GIGYF2: variants seen among roughly 807,000 people sequenced by gnomAD.
The protein encoded by GIGYF2 is GRB10 interacting GYF protein 2, also known as GRB10-interacting GYF protein 2.
In GIGYF2, 25 loss-of-function variants were observed where a neutral mutation model predicts 208.1. The observed-to-expected ratio is 0.12, with a 90% CI of 0.09 to 0.17. The LOEUF (loss-of-function observed/expected upper bound fraction) is 0.17, where lower values mean the gene tolerates loss of function less well. Ranked by LOEUF, GIGYF2 falls within the 10% of genes least tolerant of loss-of-function variation. The probability of loss-of-function intolerance (pLI) is 1.00; values close to 1 mark genes in which losing one functional copy is unlikely to be tolerated. For missense variants in GIGYF2, 1,302 were observed against 1,579.4 expected, an observed-to-expected ratio of 0.82 and a Z score of 2.98; for synonymous variants, 534 against 543.8, an observed-to-expected ratio of 0.98 and a Z score of 0.25.
At chr2:232,704,417 G>GT (rs1695992719) in intron 2 of GIGYF2, among the ~76,000 whole-genome samples, 1 of 152,084 alleles carries the variant, frequency 6.6e-6, no homozygotes, top group African/African-American at 2.4e-5. Flanking sequence ...TTGTTTGTTT[G>GT]TTTTTTAGAC....
At chr2:232,785,817 G>T (rs1352423837) in intron 8 of GIGYF2, among the ~76,000 whole-genome samples, 7 of 152,310 alleles carry the variant, frequency 4.6e-5, no homozygotes. Context: ...AGAATGACCA[G>T]AAATTAGAAT....
At position 232,791,238 on chromosome 2, in the gene GIGYF2, A is replaced by G; in HGVS notation, c.1094-20A>G. ...AACCAAAACTTTCGTAAGTTCAACT[A>G]AGATTACTTCGTGTTCCAGAAGCTA... On this transcript the variant is annotated intron_variant, in intron 11 of 28. Coordinates refer to ENST00000373563, the MANE Select transcript of GIGYF2 (RefSeq NM_001103146.3). The G allele has an allele frequency of 1.2e-6, 2 of 1,613,984 alleles. No individual in the cohort carries two copies. The highest frequency in any genetic ancestry group is 1.7e-6 in the Non-Finnish European group (2 of 1,179,888).
rs10177 is a variant in GIGYF2 at position 232,858,453 on chromosome 2, G to C, written c.*1593G>C. On this transcript the variant is annotated 3_prime_UTR_variant, in exon 29 of 29. Coordinates refer to ENST00000373563, the MANE Select transcript of GIGYF2 (RefSeq NM_001103146.3). ...AGTTTTTGGATCAAATAGCATGAGG[G>C]GAGAGGAAACCATTAAAAGTTGGGG... 2.2e-6 allele frequency: 1 copy of C among 455,064 alleles called. No individual in the cohort carries two copies. Among genetic ancestry groups the C allele is most frequent in the Non-Finnish European group, 4.4e-6 (1 of 226,554 alleles). 28.2% of individuals were successfully genotyped at this position (455,064 alleles called of 1,614,324 possible).
intron 8 of GIGYF2, among the ~76,000 whole-genome samples, chr2:232,782,210 A>AT (rs199750142): frequency 7.9e-5 from 12 of 151,616 alleles, no homozygotes; most frequent in Admixed American, 2.6e-4. Context: ...TTTTTAAAAA[A>AT]TTTTTTTTTA....
Position 232,858,718 on chromosome 2 carries a change from A to G in GIGYF2, c.*1858A>G. 2 of 357,482 alleles carry G rather than the reference A, an allele frequency of 5.6e-6. No individual in the cohort carries two copies. The highest frequency in any genetic ancestry group is 5.4e-6 in the Non-Finnish European group (1 of 183,570). The allele number at this position is 357,482 out of a possible 1,614,324, so 22.1% of individuals were successfully genotyped here. A position where few individuals can be genotyped will look rare whatever the true frequency, so the allele number is the denominator to read the frequency against. Reference sequence around the variant, plus strand: ...TACCATGGAAAAGCTCCAAGCACCCAAGACATGGAGGCAGCCATGGCTTCT... The same window carrying G: ...TACCATGGAAAAGCTCCAAGCACCCGAGACATGGAGGCAGCCATGGCTTCT... On this transcript the variant is annotated 3_prime_UTR_variant, in exon 29 of 29. Transcript: ENST00000373563.
intron 18 of GIGYF2, among the ~76,000 whole-genome samples, chr2:232,814,404 T>G (rs2106388695): frequency 1.3e-5 from 2 of 150,356 alleles, no homozygotes; most frequent in East Asian, 4.0e-4. Flanking sequence ...CTACTAAAAA[T>G]AAAAAAAAAT....
At chr2:232,747,884 A>G (rs948073552) in intron 4 of GIGYF2, 140 bp downstream of exon 4, 1 of 779,664 alleles carries the variant, frequency 1.3e-6, no homozygotes, top group African/African-American at 1.7e-5. Context: ...CCTGCTTTGA[A>G]GCCTGCAATA....
intron 18 of GIGYF2, among the ~76,000 whole-genome samples, chr2:232,812,939 T>C (rs1443831309): frequency 2.0e-5 from 3 of 151,808 alleles, no homozygotes; most frequent in South Asian, 4.2e-4. Flanking sequence ...AGTTCCAGGC[T>C]GCAGTGAGCT....
chr2:232,857,333 A>C lies in GIGYF2; in HGVS notation c.*473A>C. 1 of 212,840 alleles carries C rather than the reference A, an allele frequency of 4.7e-6. No individual in the cohort carries two copies. Among genetic ancestry groups the C allele is most frequent in the Non-Finnish European group, 9.6e-6 (1 of 104,352 alleles). The allele number at this position is 212,840 out of a possible 1,614,324, so 13.2% of individuals were successfully genotyped here. ...TTAACAGACATTGGCCAATAACAAA[A>C]CACCCCATGGACTGTGACTCGAGTA... On this transcript the variant is annotated 3_prime_UTR_variant, in exon 29 of 29. Transcript: ENST00000373563.
chr2:232,702,826 A>G (rs180888061), intron 1 of GIGYF2, among the ~76,000 whole-genome samples: 2 of 152,266 alleles, frequency 1.3e-5, no homozygotes, highest in African/African-American at 4.8e-5. Context: ...ATAAGGTCTC[A>G]CTCTGTCACC....
chr2:232,804,085 C>T (rs969028168), intron 14 of GIGYF2, among the ~76,000 whole-genome samples: 1 of 152,012 alleles, frequency 6.6e-6, no homozygotes, highest in Non-Finnish European at 1.5e-5. Context: ...TGATTCTTCC[C>T]AGTTTAATCT....
intron 21 of GIGYF2, among the ~76,000 whole-genome samples, chr2:232,825,570 A>G (rs1470330198): frequency 6.6e-6 from 1 of 152,188 alleles, no homozygotes; most frequent in African/African-American, 2.4e-5. Context: ...TATGGAAGCA[A>G]CTACTTCCCA....
chr2:232,768,483 T>G, intron 8 of GIGYF2: 2 of 1,614,096 alleles, frequency 1.2e-6, no homozygotes, highest in Non-Finnish European at 1.7e-6. Flanking sequence ...TAATTCAAAG[T>G]GAGAAGGATT....
At chr2:232,747,808 C>T (rs569864198) in intron 4 of GIGYF2, 64 bp downstream of exon 4, 31 of 1,435,450 alleles carry the variant, frequency 2.2e-5, no homozygotes, top group South Asian at 5.7e-5. Flanking sequence ...CCATGATGTA[C>T]TGATACATGA....
Position 232,812,344 on chromosome 2 carries a change from T to C in GIGYF2, c.2007-47T>C, listed in dbSNP as rs79297024. On this transcript the variant is annotated intron_variant, in intron 17 of 28. Transcript: ENST00000373563. ...ATTCCTCTTCATCTTTTTTTTTTTTTCCTGCAAATGACAAGAACAAGTTAA... is the reference window on the plus strand; with the variant it reads ...ATTCCTCTTCATCTTTTTTTTTTTTCCCTGCAAATGACAAGAACAAGTTAA... The C allele has an allele frequency of 4.6e-3, 3,747 of 811,578 alleles. 17 individuals are homozygous for C. The highest frequency in any genetic ancestry group is 7.2e-3 in the South Asian group (512 of 71,010). 50.3% of individuals were successfully genotyped at this position (811,578 alleles called of 1,614,324 possible). A position where few individuals can be genotyped will look rare whatever the true frequency, so the allele number is the denominator to read the frequency against.
intron 21 of GIGYF2, among the ~76,000 whole-genome samples, chr2:232,822,947 A>G (rs1302450231): frequency 1.3e-5 from 2 of 152,050 alleles, no homozygotes; most frequent in African/African-American, 4.8e-5. Flanking sequence ...TGGGGTGAAA[A>G]TGTCCGGTAT....
intron 8 of GIGYF2, among the ~76,000 whole-genome samples, chr2:232,781,751 A>G (rs1465997789): frequency 6.6e-6 from 1 of 152,180 alleles, no homozygotes; most frequent in Non-Finnish European, 1.5e-5. Context: ...CAGTTTCTCT[A>G]GAATTTCTGG....
At chr2:232,733,044 C>T (rs1017211041) in intron 2 of GIGYF2, among the ~76,000 whole-genome samples, 6 of 152,056 alleles carry the variant, frequency 3.9e-5, no homozygotes, top group Non-Finnish European at 8.8e-5. Flanking sequence ...ATCACGAGGT[C>T]AGGAGATCAA....
intron 2 of GIGYF2, among the ~76,000 whole-genome samples, chr2:232,712,071 G>T (rs560236299): frequency 4.0e-5 from 6 of 151,832 alleles, no homozygotes; most frequent in African/African-American, 1.5e-4. Flanking sequence ...TCATGGTGAC[G>T]AATAGAAACT....
Sources: gnomAD v4.1 joint callset for allele counts (sites outside exome capture counted in the v4.1 genomes callset) on GRCh38, gnomAD v4.1.1 for gene constraint, MANE v1.5 for transcripts, NCBI Gene and HGNC (gene_info 2026-07-23, HGNC 2026-07-21) for gene names.